The following TRMT1 variants were observed in gnomAD, a reference collection of about 807,000 sequenced individuals.
The protein encoded by TRMT1 is tRNA methyltransferase 1, also known as tRNA (guanine(26)-N(2))-dimethyltransferase.
A neutral mutation model predicts 75.4 loss-of-function variants in TRMT1; 63 were observed. That is an observed-to-expected ratio of 0.84 (90% CI 0.68 to 1.03). The LOEUF (loss-of-function observed/expected upper bound fraction) is 1.03, where lower values mean the gene tolerates loss of function less well. TRMT1 is among the 50% of genes least tolerant of loss of function. TRMT1 has a pLI of 0.00. For missense variants in TRMT1, 870 were observed against 905.3 expected (o/e 0.96, Z 0.50); for synonymous variants, 382 against 358.1 (o/e 1.07, Z -0.75).
rs1474131805 is a variant in TRMT1 at position 13,116,355 on chromosome 19, G to A, written c.45C>T (p.Ala15=). The part of the protein sequence containing the change: ...SLWLSLTFRS[A]RVLSRARFFE... ...AAAACCGGGCTCTAGAGAGCACCCGGGCGGAGCGGAAAGTGAGGCTTAGCC... is the reference window on the plus strand; with the variant it reads ...AAAACCGGGCTCTAGAGAGCACCCGAGCGGAGCGGAAAGTGAGGCTTAGCC... The change falls in exon 2 of 17, where the codon GCC becomes GCT. Residue 15 remains alanine, a synonymous_variant. Coordinates refer to ENST00000357720, the MANE Select transcript of TRMT1 (RefSeq NM_001136035.4). The A allele has an allele frequency of 6.2e-7, 1 of 1,612,590 alleles. No individual in the cohort carries two copies. Among genetic ancestry groups the A allele is most frequent in the East Asian group, 2.2e-5 (1 of 44,850 alleles).
chr19:13,110,311 G>A lies in TRMT1; in HGVS notation c.871-5C>T. ...GTGCAGGACGATTCTCAGGGCCTGG[G>A]GGTGGGGGGTGGGTGTCAGCCTCCC... On this transcript the variant is annotated splice_polypyrimidine_tract_variant and splice_region_variant and intron_variant, in intron 7 of 16. Transcript: ENST00000357720. 3 of 912,042 alleles carry A rather than the reference G, an allele frequency of 3.3e-6. No homozygotes were observed. The highest frequency in any genetic ancestry group is 5.3e-6 in the Non-Finnish European group (3 of 566,972). The allele number at this position is 912,042 out of a possible 1,614,324, so 56.5% of individuals were successfully genotyped here. A position where few individuals can be genotyped will look rare whatever the true frequency, so the allele number is the denominator to read the frequency against.
chr19:13,109,966 C>T lies in TRMT1; in HGVS notation c.1055G>A (p.Gly352Glu), dbSNP rs745871955. Residue 352 changes from glycine (G) to glutamate (E), a missense_variant, in exon 9 of 17, where the codon GGG (glycine) becomes GAG (glutamate). By Grantham distance (98) the Gly-to-Glu change is moderately conservative (BLOSUM62 -2). Coordinates refer to ENST00000357720, the MANE Select transcript of TRMT1 (RefSeq NM_001136035.4). ...GCCGAGACGCTGAAGGTGGAAGGCC[C>T]CGCAGCCCACACACTGGAACACCAG... Reference protein sequence around the residue: ...QALVFQCVGCGAFHLQRLGKA... With the variant: ...QALVFQCVGCEAFHLQRLGKA... 7 of 1,613,616 alleles carry T rather than the reference C, an allele frequency of 4.3e-6. No individual in the cohort carries two copies. Among genetic ancestry groups the T allele is most frequent in the Admixed American group, 3.3e-5 (2 of 59,998 alleles).
chr19:13,105,046 G>A lies in TRMT1; in HGVS notation c.1869C>T (p.Ser623=), dbSNP rs2018788265. 1.2e-6 allele frequency: 2 copies of A among 1,607,010 alleles called. No individual in the cohort carries two copies. The highest frequency in any genetic ancestry group is 2.7e-5 in the African/African-American group (2 of 74,998). ...AAACCCTGGGTGTCGGGGGGCTGTG[G>A]GAGTAGCAGCACTGGTCCCCGCGTT... is the stretch of plus-strand genomic sequence containing the variant. ...TCQRGDQCCY[S]HSPPTPRVSA... is the part of the protein sequence containing the mutation. The change falls in exon 17 of 17, where the codon TCC becomes TCT. Residue 623 remains serine, a synonymous_variant. Transcript: ENST00000357720.
chr19:13,109,294 G>T, intron 12 of TRMT1, 87 bp downstream of exon 12: 2 of 1,488,018 alleles, frequency 1.3e-6, no homozygotes, highest in Non-Finnish European at 9.3e-7. Context: ...CCACCCCCTC[G>T]CAAGTTCTAT....
At chr19:13,115,170 A>C in intron 5 of TRMT1, 109 bp downstream of exon 5, 2 of 1,251,908 alleles carry the variant, frequency 1.6e-6, no homozygotes, top group East Asian at 5.0e-5. Context: ...ACTGGGGCTC[A>C]AAGAGGCTAA....
chr19:13,108,668 G>A (rs537484505), intron 12 of TRMT1, among the ~76,000 whole-genome samples: 23 of 151,648 alleles, frequency 1.5e-4, no homozygotes, highest in South Asian at 4.2e-4. Flanking sequence ...GTGCAGTGGC[G>A]CAATCTTGGC....
At chr19:13,113,944 G>A (rs1233264805) in intron 5 of TRMT1, among the ~76,000 whole-genome samples, 1 of 151,958 alleles carries the variant, frequency 6.6e-6, no homozygotes, top group Non-Finnish European at 1.5e-5. Flanking sequence ...GGGTTTCACT[G>A]TGTTGCCTAG....
intron 14 of TRMT1, among the ~76,000 whole-genome samples, chr19:13,107,017 T>C (rs1472081344): frequency 6.8e-6 from 1 of 147,966 alleles, no homozygotes; most frequent in Non-Finnish European, 1.5e-5. Context: ...TTTGTATTTT[T>C]AGTAGAGACA....
intron 14 of TRMT1, 140 bp downstream of exon 14, chr19:13,107,434 C>T: frequency 9.4e-7 from 1 of 1,069,368 alleles, no homozygotes; most frequent in Non-Finnish European, 1.4e-6. Flanking sequence ...GCCACCTACC[C>T]AGCCCCAGTC....
intron 4 of TRMT1, 28 bp from the exon 5 acceptor site, chr19:13,115,494 C>G (rs2019306398): frequency 6.2e-7 from 1 of 1,604,522 alleles, no homozygotes. Context: ...AAACCTCCCT[C>G]ACATCTCCAC....
intron 5 of TRMT1, 62 bp downstream of exon 5, chr19:13,115,217 G>C (rs2019290747): frequency 6.6e-7 from 1 of 1,524,718 alleles, no homozygotes. Flanking sequence ...GAATGTGACA[G>C]AGCCAGAATT....
At chr19:13,111,215 T>C (rs538570845) in intron 7 of TRMT1, among the ~76,000 whole-genome samples, 6 of 151,400 alleles carry the variant, frequency 4.0e-5, no homozygotes, top group African/African-American at 1.5e-4. Flanking sequence ...AGGTAATTTT[T>C]AGGGTTTTTT....
At chr19:13,110,585 G>A (rs755864037) in intron 7 of TRMT1, among the ~76,000 whole-genome samples, 2 of 152,372 alleles carry the variant, frequency 1.3e-5, no homozygotes, top group Admixed American at 6.5e-5. Context: ...CAGCATTATC[G>A]GTGTGCCATG....
chr19:13,112,635 G>A (rs2019184510), intron 7 of TRMT1, 70 bp downstream of exon 7: 2 of 1,454,644 alleles, frequency 1.4e-6, no homozygotes, highest in East Asian at 4.5e-5. Flanking sequence ...GGGGGAAAGT[G>A]TATTGGGAAG....
At chr19:13,116,518 G>C in intron 1 of TRMT1, 87 bp from the exon 2 acceptor site, 1 of 1,388,132 alleles carries the variant, frequency 7.2e-7, no homozygotes, top group East Asian at 2.4e-5. Context: ...ATGAGGTAGG[G>C]ACTAGGAAAA....
Position 13,105,541 on chromosome 19 carries a change from C to A in TRMT1, c.1649G>T (p.Arg550Leu), listed in dbSNP as rs776654654. The change falls in exon 15 of 17, where the codon CGC becomes CTC. Residue 550 changes from arginine (R) to leucine (L), a missense_variant. By Grantham distance (102) the Arg-to-Leu change is moderately radical. Transcript: ENST00000357720. Reference sequence around the variant, plus strand: ...GTTGGCCTCCGGGTTAGCCTGGAAGCGCTTGAGTCCTCGCTGTCGGGAGCT... The same window carrying A: ...GTTGGCCTCCGGGTTAGCCTGGAAGAGCTTGAGTCCTCGCTGTCGGGAGCT... ...NPSSRQRGLK[R>L]FQANPEANWG... The A allele has an allele frequency of 6.2e-7, 1 of 1,614,018 alleles. No individual in the cohort carries two copies. Among genetic ancestry groups the A allele is most frequent in the South Asian group, 1.1e-5 (1 of 91,072 alleles).
rs985143890 is a variant in TRMT1, at chr19:13,115,414, C to G, written c.506G>C (p.Arg169Pro). 6.2e-7 allele frequency: 1 copy of G among 1,614,022 alleles called. No homozygotes were observed. Among genetic ancestry groups the G allele is most frequent in the Non-Finnish European group, 8.5e-7 (1 of 1,180,012 alleles). Residue 169 changes from arginine to proline, a missense_variant, in exon 5 of 17, where the codon CGA becomes CCA. Physicochemically the swap from Arg to Pro is moderately radical, Grantham distance 103 (BLOSUM62 -2). Transcript: ENST00000357720. ...GLAASGLRSI[R>P]FALEVPGLRS... Reference sequence around the variant, plus strand: ...GAGCCCAGGCACCTCTAGGGCAAATCGAATGGAACGTAGGCCTGAAGCTGC... The same window carrying G: ...GAGCCCAGGCACCTCTAGGGCAAATGGAATGGAACGTAGGCCTGAAGCTGC...
Position 13,107,985 on chromosome 19 carries a change from CTTTTT to C in TRMT1, c.1398-131_1398-127del, listed in dbSNP as rs71168652. On this transcript the variant is annotated intron_variant, in intron 12 of 16. Transcript: ENST00000357720. ...CTACAGAGTTCATTTCTTTTCTTTT[CTTTTT>C]TTTTTTTTTTTTTTTTTTGAGATGG... The C allele has an allele frequency of 4.7e-3, 1,557 of 331,206 alleles. 7 individuals are homozygous for C. The highest frequency in any genetic ancestry group is 0.029 in the African/African-American group (935 of 31,782). The allele number at this position is 331,206 out of a possible 1,614,324, so 20.5% of individuals were successfully genotyped here.
intron 14 of TRMT1, among the ~76,000 whole-genome samples, chr19:13,106,990 A>C (rs1029799744): frequency 1.6e-5 from 2 of 121,236 alleles, no homozygotes; most frequent in African/African-American, 3.1e-5. Flanking sequence ...CGCCCGGCTA[A>C]TTTTTTTTTT....
Sources: allele counts gnomAD v4.1 joint callset (sites outside exome capture counted in the v4.1 genomes callset), GRCh38; gene constraint gnomAD v4.1.1; transcripts MANE v1.5; gene names NCBI Gene and HGNC (gene_info 2026-07-23, HGNC 2026-07-21).